Variants in THSD4 observed in about 807,000 individuals in gnomAD.
The protein encoded by THSD4 is thrombospondin type 1 domain containing 4.
Under a neutral mutation model 119.0 loss-of-function variants are expected in THSD4, and 69 were observed. The ratio of observed to expected loss-of-function variants is 0.58; its 90% confidence interval spans 0.48 to 0.71. The LOEUF (loss-of-function observed/expected upper bound fraction) is 0.71, where lower values mean the gene tolerates loss of function less well. Ranked by LOEUF, THSD4 falls within the 30% of genes least tolerant of loss-of-function variation. The pLI is 0.00. For missense variants in THSD4, 1,393 were observed against 1,391.1 expected (o/e 1.00, Z -0.02); for synonymous variants, 524 against 540.4 (o/e 0.97, Z 0.42).
chr15:71,101,607 G>A (rs1034476356), intron 1 of THSD4, among the ~76,000 whole-genome samples: 1 of 152,040 alleles, frequency 6.6e-6, no homozygotes, highest in Non-Finnish European at 1.5e-5. Context: ...AACAAGTCTG[G>A]TATCAAGGAA....
intron 7 of THSD4, among the ~76,000 whole-genome samples, chr15:71,612,010 A>G (rs934909369): frequency 6.6e-6 from 1 of 152,190 alleles, no homozygotes; most frequent in Non-Finnish European, 1.5e-5. Context: ...CATTTAAATC[A>G]GTTGAGTATT....
intron 7 of THSD4, among the ~76,000 whole-genome samples, chr15:71,485,299 G>A (rs965162009): frequency 3.3e-5 from 5 of 152,156 alleles, no homozygotes; most frequent in African/African-American, 1.2e-4. Flanking sequence ...TCTGCCCCTA[G>A]TGGCCATCTC....
chr15:71,171,574 A>G (rs1020434755), intron 3 of THSD4, among the ~76,000 whole-genome samples: 3 of 152,196 alleles, frequency 2.0e-5, no homozygotes, highest in African/African-American at 7.2e-5. Context: ...TCTCAAAGGA[A>G]TGACTGCACC....
intron 7 of THSD4, among the ~76,000 whole-genome samples, chr15:71,563,363 C>T (rs371371581): frequency 2.6e-5 from 4 of 152,112 alleles, no homozygotes; most frequent in South Asian, 2.1e-4. Context: ...TACTTGGAAC[C>T]GTATCTTCTA....
chr15:71,421,390 G>A (rs2046805489), intron 7 of THSD4, among the ~76,000 whole-genome samples: 1 of 152,078 alleles, frequency 6.6e-6, no homozygotes, highest in Non-Finnish European at 1.5e-5. Context: ...GTTTGTCTGG[G>A]TAAGTCTTTA....
chr15:71,174,674 C>A (rs1051674232), intron 3 of THSD4, among the ~76,000 whole-genome samples: 3 of 134,322 alleles, frequency 2.2e-5, no homozygotes, highest in African/African-American at 8.0e-5. Context: ...TAGGCTCCAC[C>A]TCTGGGGGCA....
intron 5 of THSD4, among the ~76,000 whole-genome samples, chr15:71,255,163 A>G (rs1230429263): frequency 6.6e-6 from 1 of 152,166 alleles, no homozygotes; most frequent in Non-Finnish European, 1.5e-5. Context: ...TTTATTCCAG[A>G]GACTTCTACA....
chr15:71,376,169 G>A (rs1039928070), intron 6 of THSD4, among the ~76,000 whole-genome samples: 5 of 152,158 alleles, frequency 3.3e-5, no homozygotes, highest in African/African-American at 1.2e-4. Context: ...AGGAGGAGGA[G>A]TACTCACATC....
intron 6 of THSD4, among the ~76,000 whole-genome samples, chr15:71,300,210 C>A (rs2044929468): frequency 6.6e-6 from 1 of 151,636 alleles, no homozygotes. Flanking sequence ...AGTTTAGCAA[C>A]CACACCCCTT....
chr15:71,492,628 A>G (rs991250935), intron 7 of THSD4, among the ~76,000 whole-genome samples: 2 of 152,148 alleles, frequency 1.3e-5, no homozygotes, highest in African/African-American at 4.8e-5. Flanking sequence ...ACCGCTGAGG[A>G]CCTGGCTTCA....
intron 7 of THSD4, among the ~76,000 whole-genome samples, chr15:71,504,954 T>C (rs1172351564): frequency 6.6e-6 from 1 of 152,188 alleles, no homozygotes; most frequent in African/African-American, 2.4e-5. Flanking sequence ...AAGAGCATGG[T>C]CAGGTGTGTT....
intron 7 of THSD4, among the ~76,000 whole-genome samples, chr15:71,559,376 A>G (rs1228325167): frequency 6.6e-6 from 1 of 152,136 alleles, no homozygotes; most frequent in Non-Finnish European, 1.5e-5. Flanking sequence ...TAAACTTTCT[A>G]ATATCCAGAA....
intron 3 of THSD4, among the ~76,000 whole-genome samples, chr15:71,199,916 G>GGTGT (rs148622409): frequency 3.4e-5 from 4 of 116,138 alleles, no homozygotes; most frequent in South Asian, 2.7e-4. Context: ...GCATGTGTGG[G>GGTGT]GTGTGTGTGT....
intron 7 of THSD4, among the ~76,000 whole-genome samples, chr15:71,642,619 C>T (rs540366290): frequency 2.0e-4 from 30 of 152,208 alleles, no homozygotes; most frequent in African/African-American, 4.1e-4. Context: ...ACTATGCAGC[C>T]GTAAAAAATG....
chr15:71,501,679 G>A (rs2048114640), intron 7 of THSD4, among the ~76,000 whole-genome samples: 1 of 152,168 alleles, frequency 6.6e-6, no homozygotes, highest in African/African-American at 2.4e-5. Context: ...AGGCAGATTT[G>A]AATTTAAAAA....
chr15:71,626,930 T>C (rs2050520944), intron 7 of THSD4, among the ~76,000 whole-genome samples: 4 of 152,240 alleles, frequency 2.6e-5, no homozygotes, highest in African/African-American at 4.8e-5. Flanking sequence ...ATCTGCTCCT[T>C]GAATGTTTGA....
rs761566529 is a variant in THSD4 at position 71,242,992 on chromosome 15, G to A, written c.808G>A (p.Gly270Ser). The A allele has an allele frequency of 2.0e-5, 33 of 1,614,068 alleles. No homozygotes were observed. Among genetic ancestry groups the A allele is most frequent in the East Asian group, 8.9e-5 (4 of 44,890 alleles). The change falls in exon 5 of 18, where the codon GGT (glycine) becomes AGT (serine). Residue 270 changes from glycine to serine, a missense_variant. Transcript: ENST00000261862. ...FHSPETSNNH[G>S]VGTHGATQSF... Reference sequence around the variant, plus strand: ...CAGCCCAGAAACAAGCAACAACCACGGTGTGGGGACCCATGGGGCAACTCA... The same window carrying A: ...CAGCCCAGAAACAAGCAACAACCACAGTGTGGGGACCCATGGGGCAACTCA...
At chr15:71,198,624 C>T (rs899093471) in intron 3 of THSD4, among the ~76,000 whole-genome samples, 6 of 152,336 alleles carry the variant, frequency 3.9e-5, no homozygotes, top group Non-Finnish European at 7.3e-5. Context: ...TGTTATGGGT[C>T]AGAAGGATGC....
intron 7 of THSD4, among the ~76,000 whole-genome samples, chr15:71,465,517 C>T (rs1229272526): frequency 6.6e-6 from 1 of 152,192 alleles, no homozygotes. Flanking sequence ...CCTGGCCTCC[C>T]TCCTTGGCTT....
Sources: allele counts gnomAD v4.1 joint callset (sites outside exome capture counted in the v4.1 genomes callset), GRCh38; gene constraint gnomAD v4.1.1; transcripts MANE v1.5; gene names NCBI Gene and HGNC (gene_info 2026-07-23, HGNC 2026-07-21).